The following NEBL variants were observed in gnomAD, a reference collection of about 807,000 sequenced individuals.
NEBL encodes nebulette.
NEBL carries 122 observed loss-of-function variants against 140.2 expected under a neutral mutation model. The observed-to-expected ratio is 0.87, with a 90% CI of 0.75 to 1.01. The LOEUF is 1.01. Ranked by LOEUF, NEBL falls within the 50% of genes least tolerant of loss-of-function variation. The probability of loss-of-function intolerance (pLI) is 0.00; values close to 1 mark genes in which losing one functional copy is unlikely to be tolerated. For synonymous variants in NEBL, 436 were observed against 398.9 expected (o/e 1.09, Z -1.11); for missense variants, 1,365 against 1,231.3 (o/e 1.11, Z -1.62).
Position 20,817,615 on chromosome 10 carries a change from C to G in NEBL, c.2133G>C (p.Gln711His), listed in dbSNP as rs1220038249. The part of the protein sequence containing the change: ...PPELKRAKEN[Q>H]KNISNVYYRG... The stretch of plus-strand genomic sequence containing the variant: ...ATGATCACACATTGCTGATGTTTTT[C>G]TGGTTTTCTTTTGCCCTCTTCAGCT... The change falls in exon 21 of 28, where the codon CAG (glutamine) becomes CAC (histidine). Residue 711 changes from glutamine to histidine, a missense_variant. Physicochemically the swap from Gln to His is conservative, Grantham distance 24 (BLOSUM62 0). Around this residue, in one of 2 missense-constraint regions of NEBL, gnomAD observed 1,323 missense variants for 1,154.8 expected, o/e 1.15. Coordinates refer to ENST00000377122, the MANE Select transcript of NEBL (RefSeq NM_006393.3). 4 of 1,612,830 alleles carry G rather than the reference C, an allele frequency of 2.5e-6. No individual in the cohort carries two copies.
chr10:20,975,563 A>C (rs1447354599), intron 3 of NEBL, among the ~76,000 whole-genome samples: 2 of 152,224 alleles, frequency 1.3e-5, no homozygotes, highest in Non-Finnish European at 2.9e-5. Context: ...ACTCAAACAA[A>C]ACTACCCTGA....
chr10:20,985,465 CAG>C (rs759675032), intron 3 of NEBL, among the ~76,000 whole-genome samples: 107 of 152,234 alleles, frequency 7.0e-4, no homozygotes, highest in African/African-American at 2.1e-3. Context: ...TCATATTATT[CAG>C]AGTCTCTAAC....
intron 4 of NEBL, among the ~76,000 whole-genome samples, chr10:20,954,068 G>C (rs1448398672): frequency 6.7e-6 from 1 of 148,524 alleles, no homozygotes; most frequent in South Asian, 2.2e-4. Context: ...CCTGGATATA[G>C]AGAAAGTAAT....
In NEBL at chr10:20,828,604, G is replaced by A; in HGVS notation, c.1702C>T (p.Leu568Phe). Residue 568 changes from leucine to phenylalanine, a missense_variant, in exon 17 of 28, where the codon CTT (leucine) becomes TTT (phenylalanine). Coordinates refer to ENST00000377122, the MANE Select transcript of NEBL (RefSeq NM_006393.3). ...TCTGCTATGGTAGAATAGTTAGAAAGCATCTTCTCTGCTTCATCTTTATAC... is the reference window on the plus strand; with the variant it reads ...TCTGCTATGGTAGAATAGTTAGAAAACATCTTCTCTGCTTCATCTTTATAC... ...RKYKDEAEKM[L>F]SNYSTIADTP... 1 of 1,589,310 alleles carries A rather than the reference G, an allele frequency of 6.3e-7. No individual in the cohort carries two copies. Among genetic ancestry groups the A allele is most frequent in the Non-Finnish European group, 8.6e-7 (1 of 1,158,068 alleles).
intron 3 of NEBL, among the ~76,000 whole-genome samples, chr10:20,965,379 C>A (rs1253248576): frequency 6.6e-6 from 1 of 152,144 alleles, no homozygotes; most frequent in African/African-American, 2.4e-5. Context: ...GGGAAGTCCC[C>A]AGTAAGAAGG....
chr10:20,895,469 T>A (rs45567340), intron 2 of NEBL, among the ~76,000 whole-genome samples: 3,005 of 152,308 alleles, frequency 0.02, 36 homozygotes, highest in Non-Finnish European at 0.025. Flanking sequence ...AACCTCTCTG[T>A]GCCTCTATCT....
At chr10:21,261,217 G>A (rs1169170359) in intron 1 of NEBL, among the ~76,000 whole-genome samples, 1 of 152,186 alleles carries the variant, frequency 6.6e-6, no homozygotes, top group Non-Finnish European at 1.5e-5. Flanking sequence ...GGAGCCACAA[G>A]GCTCCAGGCT....
intron 11 of NEBL, among the ~76,000 whole-genome samples, chr10:20,845,866 G>T (rs1259004823): frequency 6.6e-6 from 1 of 152,142 alleles, no homozygotes; most frequent in Non-Finnish European, 1.5e-5. Context: ...GATGCCTGAG[G>T]GTTAGGGAGG....
intron 4 of NEBL, among the ~76,000 whole-genome samples, chr10:20,937,834 G>A (rs764688287): frequency 9.2e-5 from 14 of 152,024 alleles, no homozygotes; most frequent in South Asian, 4.2e-4. Context: ...ATGGAGCCTC[G>A]CTCATTGCTA....
chr10:21,263,467 CG>C (rs1338500679), intron 1 of NEBL, among the ~76,000 whole-genome samples: 1 of 151,802 alleles, frequency 6.6e-6, no homozygotes, highest in Non-Finnish European at 1.5e-5. Context: ...AGAGTCCAAG[CG>C]GGGGAGGTTG....
chr10:21,218,312 C>A (rs777970530), intron 3 of NEBL: 1 of 152,308 alleles, frequency 6.6e-6, no homozygotes, highest in Non-Finnish European at 1.5e-5. Flanking sequence ...GCATACCTAA[C>A]AATTTAGGAC....
chr10:21,168,009 G>A (rs568878618), intron 2 of NEBL, among the ~76,000 whole-genome samples: 1 of 152,022 alleles, frequency 6.6e-6, no homozygotes, highest in Admixed American at 6.5e-5. Flanking sequence ...GAGCAAAATG[G>A]GTATTACGCC....
chr10:20,815,158 G>T (rs1000930253), intron 22 of NEBL, among the ~76,000 whole-genome samples: 5 of 152,188 alleles, frequency 3.3e-5, no homozygotes, highest in Non-Finnish European at 7.3e-5. Context: ...ACTGGACTTT[G>T]GTGAGCAACT....
intron 2 of NEBL, among the ~76,000 whole-genome samples, chr10:21,109,913 G>T (rs1837907679): frequency 6.6e-6 from 1 of 151,996 alleles, no homozygotes; most frequent in African/African-American, 2.4e-5. Context: ...TACTAGTCCA[G>T]CTAGTGGTCT....
chr10:20,839,762 CAGGAT>C (rs1476152365), intron 13 of NEBL, among the ~76,000 whole-genome samples: 2 of 152,074 alleles, frequency 1.3e-5, no homozygotes, highest in Non-Finnish European at 1.5e-5. Flanking sequence ...GGTGTAAGCA[CAGGAT>C]AGAGATTAAT....
intron 3 of NEBL, among the ~76,000 whole-genome samples, chr10:21,224,984 G>C (rs1289698982): frequency 6.6e-6 from 1 of 151,902 alleles, no homozygotes; most frequent in East Asian, 1.9e-4. Flanking sequence ...CAATTTTGCT[G>C]CCCCTTTTTT....
At chr10:20,941,440 A>T (rs567514606) in intron 4 of NEBL, among the ~76,000 whole-genome samples, 4 of 152,222 alleles carry the variant, frequency 2.6e-5, no homozygotes, top group Admixed American at 6.5e-5. Context: ...ATCTCAAAAT[A>T]ATAAGAGCTA....
chr10:20,796,718 TC>T (rs1836581093), intron 26 of NEBL, among the ~76,000 whole-genome samples: 1 of 152,214 alleles, frequency 6.6e-6, no homozygotes, highest in African/African-American at 2.4e-5. Flanking sequence ...TCCATTTTTT[TC>T]CCTCAGATTT....
At chr10:21,202,286 T>C (rs1484427658) in intron 3 of NEBL, among the ~76,000 whole-genome samples, 1 of 152,070 alleles carries the variant, frequency 6.6e-6, no homozygotes, top group Non-Finnish European at 1.5e-5. Flanking sequence ...TGCAAGCTAC[T>C]TTTATCATGA....
Sources: gnomAD v4.1 joint callset for allele counts (sites outside exome capture counted in the v4.1 genomes callset) on GRCh38, gnomAD v4.1.1 for gene constraint, gnomAD v4.1.1 regional missense constraint, MANE v1.5 for transcripts, NCBI Gene and HGNC (gene_info 2026-07-23, HGNC 2026-07-21) for gene names.